TNIK: variants seen among roughly 807,000 people sequenced by gnomAD.
TNIK encodes TRAF2 and NCK interacting kinase, also known as TRAF2 and NCK-interacting protein kinase.
In TNIK, 49 loss-of-function variants were observed where a neutral mutation model predicts 191.3. That is an observed-to-expected ratio of 0.26 (90% CI 0.20 to 0.32). The LOEUF (loss-of-function observed/expected upper bound fraction) is 0.32, where lower values mean the gene tolerates loss of function less well. Ranked by LOEUF, TNIK falls within the 10% of genes least tolerant of loss-of-function variation. The pLI, the probability that TNIK is intolerant of heterozygous loss-of-function variation, is 1.00. For missense variants in TNIK, 1,155 were observed against 1,702.3 expected (o/e 0.68, Z 5.66); for synonymous variants, 594 against 600.9 (o/e 0.99, Z 0.17).
At chr3:171,399,437 A>T (rs1720639004) in intron 1 of TNIK, among the ~76,000 whole-genome samples, 1 of 152,200 alleles carries the variant, frequency 6.6e-6, no homozygotes, top group African/African-American at 2.4e-5. Flanking sequence ...CAGCATCTAA[A>T]AACATGTCCT....
chr3:171,118,629 A>G (rs1350507280), intron 18 of TNIK, among the ~76,000 whole-genome samples: 1 of 152,210 alleles, frequency 6.6e-6, no homozygotes, highest in Non-Finnish European at 1.5e-5. Flanking sequence ...CTCAGAAATG[A>G]TGCCACATAT....
intron 1 of TNIK, among the ~76,000 whole-genome samples, chr3:171,433,714 T>C (rs1474472803): frequency 1.3e-5 from 2 of 152,078 alleles, no homozygotes; most frequent in Non-Finnish European, 2.9e-5. Context: ...AACAAATTCC[T>C]GCTTGATATT....
intron 2 of TNIK, among the ~76,000 whole-genome samples, chr3:171,277,773 A>G (rs754266557): frequency 1.3e-5 from 2 of 152,236 alleles, no homozygotes; most frequent in African/African-American, 4.8e-5. Flanking sequence ...AAAACCTAAA[A>G]TATTTACTAT....
Position 171,366,347 on chromosome 3 carries a change from C to G in TNIK, c.123+3273G>C, listed in dbSNP as rs1715720701. The stretch of plus-strand genomic sequence containing the variant: ...TAAACAAATCTAACCTTGCCCAAAA[C>G]AGGAATAAGCTAAAATTGGGAGTAA... On this transcript the variant is annotated intron_variant, in intron 2 of 32. Coordinates refer to ENST00000436636, the MANE Select transcript of TNIK (RefSeq NM_015028.4). The surrounding 1 kb of genome is among the most constrained non-coding windows in gnomAD (Gnocchi z 4.1). Among the ~76,000 whole-genome samples the G allele has an allele frequency of 6.6e-6, 1 of 152,086 alleles. No homozygotes were observed. The highest frequency in any genetic ancestry group is 2.1e-4 in the South Asian group (1 of 4,824).
Position 171,315,033 on chromosome 3 carries a change from A to G in TNIK, c.123+54587T>C, listed in dbSNP as rs187455083. On this transcript the variant is annotated intron_variant, in intron 2 of 32. Transcript: ENST00000436636. ...CTAAAAGTCATTAGTAACAACAACC[A>G]CAAACCCCCCCTCCTGCTTTATCCT... 1.3e-3 allele frequency among the ~76,000 whole-genome samples: 202 copies of G among 152,252 alleles called. 1 individual carries two copies. Among genetic ancestry groups the G allele is most frequent in the African/African-American group, 4.7e-3 (194 of 41,548 alleles).
At chr3:171,245,439 AAAAAT>A (rs1327163215) in intron 2 of TNIK, among the ~76,000 whole-genome samples, 1 of 152,228 alleles carries the variant, frequency 6.6e-6, no homozygotes, top group Admixed American at 6.5e-5. Context: ...TTATCATACT[AAAAAT>A]AAAAGAAACA....
At chr3:171,271,401 A>G (rs1749082630) in intron 2 of TNIK, among the ~76,000 whole-genome samples, 1 of 152,154 alleles carries the variant, frequency 6.6e-6, no homozygotes, top group African/African-American at 2.4e-5. Flanking sequence ...ACAACTTTCA[A>G]ACATCATTTC....
intron 1 of TNIK, among the ~76,000 whole-genome samples, chr3:171,405,079 A>G (rs1305586428): frequency 6.6e-6 from 1 of 152,206 alleles, no homozygotes; most frequent in Non-Finnish European, 1.5e-5. Context: ...CTAGGTAGAT[A>G]CAATCATTAT....
At chr3:171,370,385 A>G in intron 1 of TNIK, among the ~76,000 whole-genome samples, 1 of 152,362 alleles carries the variant, frequency 6.6e-6, no homozygotes, top group Non-Finnish European at 1.5e-5. Context: ...TAACCCCAGG[A>G]GTCAGCTAAA....
At chr3:171,081,005 T>G (rs16855778) in intron 27 of TNIK, among the ~76,000 whole-genome samples, 11,418 of 152,308 alleles carry the variant, frequency 0.075, 463 homozygotes, top group Middle Eastern at 0.13. Flanking sequence ...AAAAGGAAAC[T>G]CTTACACTGT....
chr3:171,099,162 G>T (rs912484454), intron 22 of TNIK, among the ~76,000 whole-genome samples: 1 of 151,900 alleles, frequency 6.6e-6, no homozygotes, highest in African/African-American at 2.4e-5. Context: ...TTTTCAAATC[G>T]TCTTGCTGAA....
At chr3:171,321,123 G>A (rs1337706643) in intron 2 of TNIK, among the ~76,000 whole-genome samples, 1 of 152,132 alleles carries the variant, frequency 6.6e-6, no homozygotes, top group East Asian at 1.9e-4. Flanking sequence ...GGAGAACAAC[G>A]ATTTCTTTAG....
rs561519990 is a variant in TNIK at position 171,379,671 on chromosome 3, C to T, written c.58-9986G>A. ...ATTGGAGAAGGATAGCTCTCTCCAT[C>T]ACCTCCTGTAATTTTTCTCAGCTCT... On this transcript the variant is annotated intron_variant, in intron 1 of 32. Coordinates refer to ENST00000436636, the MANE Select transcript of TNIK (RefSeq NM_015028.4). 7.9e-5 allele frequency among the ~76,000 whole-genome samples: 12 copies of T among 152,202 alleles called. 2 individuals carry two copies. The highest frequency in any genetic ancestry group is 7.2e-4 in the Admixed American group (11 of 15,282).
At chr3:171,424,153 C>T (rs1274890117) in intron 1 of TNIK, among the ~76,000 whole-genome samples, 1 of 152,094 alleles carries the variant, frequency 6.6e-6, no homozygotes, top group Non-Finnish European at 1.5e-5. Context: ...ACAAACAACC[C>T]CATCAACAAG....
chr3:171,245,712 A>G (rs1745513236), intron 2 of TNIK, among the ~76,000 whole-genome samples: 1 of 152,140 alleles, frequency 6.6e-6, no homozygotes, highest in Admixed American at 6.5e-5. Context: ...AGATCATCTC[A>G]TTTGCTTCTG....
chr3:171,130,235 C>A (rs1386650234), intron 15 of TNIK, among the ~76,000 whole-genome samples: 1 of 152,178 alleles, frequency 6.6e-6, no homozygotes, highest in Non-Finnish European at 1.5e-5. Context: ...ATCAAATATA[C>A]AAAGTAAGTC....
intron 2 of TNIK, chr3:171,346,913 G>A (rs756424137): frequency 8.9e-5 from 38 of 428,644 alleles, no homozygotes; most frequent in Middle Eastern, 1.2e-3. Context: ...CATTCAAAAG[G>A]TTTTAAACAG....
At chr3:171,234,481 C>A (rs1336406350) in intron 2 of TNIK, among the ~76,000 whole-genome samples, 1 of 152,174 alleles carries the variant, frequency 6.6e-6, no homozygotes, top group Non-Finnish European at 1.5e-5. Flanking sequence ...ATCTCAACAC[C>A]ACTCACTGTG....
intron 12 of TNIK, among the ~76,000 whole-genome samples, chr3:171,142,210 A>G (rs944221403): frequency 6.6e-6 from 1 of 152,242 alleles, no homozygotes; most frequent in Non-Finnish European, 1.5e-5. Flanking sequence ...CATGCAGCCA[A>G]ATGACTTGAT....
Sources: allele counts gnomAD v4.1 joint callset (sites outside exome capture counted in the v4.1 genomes callset), GRCh38; gene constraint gnomAD v4.1.1; non-coding constraint Gnocchi (gnomAD v3.1); transcripts MANE v1.5; gene names NCBI Gene and HGNC (gene_info 2026-07-23, HGNC 2026-07-21).